Variants in ATAD1 observed in about 807,000 individuals in gnomAD.
ATAD1 encodes the protein ATPase family AAA domain containing 1.
A neutral mutation model predicts 42.7 loss-of-function variants in ATAD1; 18 were observed. The observed-to-expected ratio is 0.42, with a 90% CI of 0.29 to 0.63. The LOEUF (loss-of-function observed/expected upper bound fraction) is 0.63. Among genes scored for constraint, ATAD1 ranks in the 20% least tolerant of loss-of-function variants. The pLI is 0.19. For missense variants in ATAD1, 294 were observed against 440.4 expected, an observed-to-expected ratio of 0.67 and a Z score of 2.98; for synonymous variants, 132 against 143.1, an observed-to-expected ratio of 0.92 and a Z score of 0.55.
chr10:87,809,193 A>G (rs1303056040), intron 2 of ATAD1, among the ~76,000 whole-genome samples: 1 of 152,166 alleles, frequency 6.6e-6, no homozygotes, highest in Non-Finnish European at 1.5e-5. Flanking sequence ...TACACAATAC[A>G]GGGATTGGGA....
intron 4 of ATAD1, among the ~76,000 whole-genome samples, chr10:87,789,427 A>C (rs1362556346): frequency 6.6e-6 from 1 of 152,214 alleles, no homozygotes; most frequent in Non-Finnish European, 1.5e-5. Context: ...GCATGACAGA[A>C]ATATGTGCAC....
intron 2 of ATAD1, among the ~76,000 whole-genome samples, chr10:87,793,592 T>A (rs1338719511): frequency 6.6e-6 from 1 of 152,166 alleles, no homozygotes; most frequent in Admixed American, 6.5e-5. Context: ...AAACAAGATA[T>A]GAATTCAAGG....
chr10:87,794,093 G>A (rs1042984127), intron 2 of ATAD1, among the ~76,000 whole-genome samples: 15 of 152,162 alleles, frequency 9.9e-5, no homozygotes, highest in Middle Eastern at 6.8e-3. Context: ...GGTAGTACAC[G>A]CCTGTAGTCC....
intron 1 of ATAD1, among the ~76,000 whole-genome samples, chr10:87,827,944 G>T (rs1564789652): frequency 2.0e-5 from 3 of 151,746 alleles, no homozygotes; most frequent in Admixed American, 6.6e-5. Context: ...AGGAAAAGTG[G>T]TTTTTTTTGG....
chr10:87,835,237 G>A (rs982652357), intron 1 of ATAD1, among the ~76,000 whole-genome samples: 6 of 151,886 alleles, frequency 4.0e-5, no homozygotes, highest in Non-Finnish European at 7.4e-5. Flanking sequence ...TACCTATTAG[G>A]TACGGTTGGG....
At chr10:87,808,609 T>C (rs1447729198) in intron 2 of ATAD1, among the ~76,000 whole-genome samples, 1 of 152,172 alleles carries the variant, frequency 6.6e-6, no homozygotes, top group Non-Finnish European at 1.5e-5. Flanking sequence ...TCCCATTTTA[T>C]TAAAAGCTTT....
At chr10:87,782,010 C>A (rs141384896) in intron 5 of ATAD1, among the ~76,000 whole-genome samples, 151 of 151,728 alleles carry the variant, frequency 1.0e-3, no homozygotes, top group Middle Eastern at 3.4e-3. Context: ...GCTGAGAAAT[C>A]CTCCAGAATT....
intron 2 of ATAD1, among the ~76,000 whole-genome samples, chr10:87,805,676 C>T (rs972710782): frequency 3.9e-5 from 6 of 151,968 alleles, no homozygotes; most frequent in African/African-American, 1.2e-4. Flanking sequence ...ACTACTGACC[C>T]CAACCCCTCC....
At position 87,752,948 on chromosome 10, in the gene ATAD1, A is replaced by G. The variant is rs1307305187; in HGVS notation, c.*1739T>C. On this transcript the variant is annotated 3_prime_UTR_variant, in exon 10 of 10. Transcript: ENST00000680024. ...TATGTCACCAGATTAAAATTAAATT[A>G]CTGAAATTCATATTAAAACAGAAAT... The G allele has an allele frequency of 6.6e-6, 1 of 152,190 alleles. No homozygotes were observed. The highest frequency in any genetic ancestry group is 1.9e-4 in the East Asian group (1 of 5,204). The allele number at this position is 152,190 out of a possible 1,614,324, so 9.4% of individuals were successfully genotyped here.
chr10:87,832,679 A>G (rs1265272998), intron 1 of ATAD1: 1 of 152,136 alleles, frequency 6.6e-6, no homozygotes, highest in Non-Finnish European at 1.5e-5. Flanking sequence ...AAAATTTAAA[A>G]TACAATTTAA....
intron 7 of ATAD1, among the ~76,000 whole-genome samples, chr10:87,770,261 G>A (rs1333814393): frequency 6.6e-6 from 1 of 152,174 alleles, no homozygotes; most frequent in Non-Finnish European, 1.5e-5. Flanking sequence ...GTAACATGCT[G>A]ATTGTATGGA....
intron 3 of ATAD1, 37 bp from the exon 4 acceptor site, chr10:87,790,467 A>G (rs1018347944): frequency 6.4e-7 from 1 of 1,562,386 alleles, no homozygotes; most frequent in Non-Finnish European, 8.6e-7. Context: ...TTTTACTACA[A>G]ATGTACACTC....
rs1857969632 is a variant in ATAD1, at chr10:87,838,523, G to A, written c.-14+2664C>T. The stretch of plus-strand genomic sequence containing the variant: ...GAGTGTGCTTACTCCATCTTACCTA[G>A]AGCTGGAATGGAACATTGTTTTTAA... On this transcript the variant is annotated intron_variant, in intron 1 of 4. Transcript: ENST00000495903. Among the ~76,000 whole-genome samples the A allele has an allele frequency of 2.8e-5, 4 of 145,424 alleles. No individual in the cohort carries two copies. In the South Asian group the frequency reaches 8.7e-4, roughly 32 times the overall value.
At chr10:87,779,448 T>C (rs2131856381) in intron 5 of ATAD1, among the ~76,000 whole-genome samples, 1 of 152,206 alleles carries the variant, frequency 6.6e-6, no homozygotes, top group Admixed American at 6.5e-5. Flanking sequence ...ACCCAAAATA[T>C]AAAAAGAACT....
intron 5 of ATAD1, 98 bp downstream of exon 5, chr10:87,784,372 T>C: frequency 8.7e-7 from 1 of 1,146,428 alleles, no homozygotes; most frequent in South Asian, 1.4e-5. Flanking sequence ...TTCTTTGTTT[T>C]ATTAACATGG....
intron 4 of ATAD1, among the ~76,000 whole-genome samples, chr10:87,785,948 A>T (rs1855813604): frequency 6.6e-6 from 1 of 152,160 alleles, no homozygotes; most frequent in Non-Finnish European, 1.5e-5. Context: ...TTAAATCCAT[A>T]AGCTTTACCA....
intron 1 of ATAD1, among the ~76,000 whole-genome samples, chr10:87,825,419 C>G (rs1206734840): frequency 6.6e-6 from 1 of 151,324 alleles, no homozygotes; most frequent in East Asian, 1.9e-4. Flanking sequence ...ACGCCATTCT[C>G]CTGCTTCAGC....
intron 1 of ATAD1, 200 bp from the exon 2 acceptor site, chr10:87,814,812 T>G: frequency 3.0e-6 from 1 of 335,144 alleles, no homozygotes; most frequent in Non-Finnish European, 5.3e-6. Context: ...AAGCTCCTCT[T>G]GCAAACTAGA....
At position 87,792,473 on chromosome 10, in the gene ATAD1, C is replaced by T. The variant is rs558340677; in HGVS notation, c.261+184G>A. Reference sequence around the variant, plus strand: ...TTCATCCCATGCCCCCTTCCCTTTGCTGATTTTGCTTTGTATCTTTTCAGT... The same window carrying T: ...TTCATCCCATGCCCCCTTCCCTTTGTTGATTTTGCTTTGTATCTTTTCAGT... On this transcript the variant is annotated intron_variant, in intron 3 of 9. Coordinates refer to ENST00000680024, the MANE Select transcript of ATAD1 (RefSeq NM_001321967.2). 1.2e-4 allele frequency among the ~76,000 whole-genome samples: 18 copies of T among 152,270 alleles called. No homozygotes were observed. The South Asian group carries it at 3.5e-3, about 30-fold the overall frequency.
Sources: gnomAD v4.1 joint callset for allele counts (sites outside exome capture counted in the v4.1 genomes callset) on GRCh38, gnomAD v4.1.1 for gene constraint, MANE v1.5 for transcripts, NCBI Gene and HGNC (gene_info 2026-07-23, HGNC 2026-07-21) for gene names.